GAS7: variants seen among roughly 807,000 people sequenced by gnomAD.
The protein encoded by GAS7 is growth arrest-specific protein 7.
A neutral mutation model predicts 71.1 loss-of-function variants in GAS7; 28 were observed. The observed-to-expected ratio is 0.39, with a 90% CI of 0.29 to 0.54. GAS7 has a LOEUF of 0.54. GAS7 is among the 20% of genes least tolerant of loss of function. The probability of loss-of-function intolerance (pLI) is 0.62; values close to 1 mark genes in which losing one functional copy is unlikely to be tolerated. For synonymous variants in GAS7, 258 were observed against 245.8 expected, an observed-to-expected ratio of 1.05 and a Z score of -0.46; for missense variants, 436 against 627.8, an observed-to-expected ratio of 0.69 and a Z score of 3.27.
At chr17:9,922,192 A>G (rs1300466416) in intron 11 of GAS7, among the ~76,000 whole-genome samples, 1 of 88,298 alleles carries the variant, frequency 1.1e-5, no homozygotes, top group African/African-American at 3.5e-5. Flanking sequence ...TATGGTGGTG[A>G]TGAAGATGAT....
intron 1 of GAS7, among the ~76,000 whole-genome samples, chr17:10,062,453 C>T (rs888436562): frequency 1.3e-5 from 2 of 152,096 alleles, no homozygotes; most frequent in African/African-American, 4.8e-5. Context: ...TCGCTGCACT[C>T]CAGCCCAGGC....
In GAS7 at chr17:9,963,337, A is replaced by G. The variant is rs554192397; in HGVS notation, c.472-4082T>C. Among the ~76,000 whole-genome samples the G allele has an allele frequency of 5.9e-5, 9 of 152,318 alleles. No individual in the cohort carries two copies. In the East Asian group the frequency reaches 1.4e-3, roughly 23 times the overall value. On this transcript the variant is annotated intron_variant, in intron 4 of 13. Transcript: ENST00000432992. Reference sequence around the variant, plus strand: ...TCTTCAGGTGATTCTGCTTGGGTTGATGAAAATGTTCTAAAATAGATTTGA... The same window carrying G: ...TCTTCAGGTGATTCTGCTTGGGTTGGTGAAAATGTTCTAAAATAGATTTGA...
At chr17:9,932,646 G>A (rs759315108) in intron 9 of GAS7, among the ~76,000 whole-genome samples, 2 of 152,204 alleles carry the variant, frequency 1.3e-5, no homozygotes, top group Non-Finnish European at 2.9e-5. Flanking sequence ...AGGGAGTGGG[G>A]AAGGGAGAGT....
intron 1 of GAS7, among the ~76,000 whole-genome samples, chr17:10,144,394 G>T (rs868100912): frequency 6.6e-6 from 1 of 152,156 alleles, no homozygotes; most frequent in Non-Finnish European, 1.5e-5. Flanking sequence ...AGCAGGACAG[G>T]CCCCAAGAGG....
intron 4 of GAS7, among the ~76,000 whole-genome samples, chr17:9,961,392 ACT>A (rs1341315179): frequency 5.3e-5 from 8 of 152,122 alleles, no homozygotes; most frequent in Non-Finnish European, 1.2e-4. Context: ...TCACGTACAG[ACT>A]CTAGCCAAGC....
At chr17:10,194,600 G>T (rs935134529) in intron 1 of GAS7, among the ~76,000 whole-genome samples, 1 of 152,196 alleles carries the variant, frequency 6.6e-6, no homozygotes, top group Non-Finnish European at 1.5e-5. Context: ...GGCCTAGCTT[G>T]GAGCTGGCAG....
chr17:10,150,376 C>G (rs2074155022), intron 1 of GAS7, among the ~76,000 whole-genome samples: 1 of 147,626 alleles, frequency 6.8e-6, no homozygotes, highest in African/African-American at 2.5e-5. Flanking sequence ...TTCTTCCTCT[C>G]CTTTTCTTCT....
chr17:10,109,305 G>A (rs551904664), intron 1 of GAS7, among the ~76,000 whole-genome samples: 1 of 152,284 alleles, frequency 6.6e-6, no homozygotes, highest in Non-Finnish European at 1.5e-5. Context: ...TTACGCCAGA[G>A]TTAGAACGGG....
intron 4 of GAS7, among the ~76,000 whole-genome samples, chr17:9,965,845 C>T (rs1837148333): frequency 6.6e-6 from 1 of 152,092 alleles, no homozygotes; most frequent in African/African-American, 2.4e-5. Flanking sequence ...ATCCAGGTCT[C>T]CAAGGGCTGA....
intron 9 of GAS7, among the ~76,000 whole-genome samples, chr17:9,933,377 G>C (rs142340840): frequency 2.0e-5 from 3 of 152,092 alleles, no homozygotes; most frequent in African/African-American, 4.8e-5. Context: ...GCAGGGCTTC[G>C]TCACTCAGGG....
At chr17:9,982,816 GAAAGA>G (rs2070465864) in intron 2 of GAS7, among the ~76,000 whole-genome samples, 3 of 80,414 alleles carry the variant, frequency 3.7e-5, no homozygotes, top group African/African-American at 2.3e-4. Flanking sequence ...GGAAAGAAAG[GAAAGA>G]AAGGAAAGAA....
At position 10,034,015 on chromosome 17, in the gene GAS7, G is replaced by A. The variant is rs1054838308; in HGVS notation, c.184-14118C>T. The A allele has an allele frequency of 1.7e-5, 9 of 541,712 alleles. No individual in the cohort carries two copies. The South Asian group carries it at 2.4e-4, about 15-fold the overall frequency. The allele number at this position is 541,712 out of a possible 1,614,324, so 33.6% of individuals were successfully genotyped here. ...TAAGGGGTGCAATTCTCACCAACCC[G>A]ATTCAACTAACATTTCTGGAGCTGC... On this transcript the variant is annotated intron_variant, in intron 1 of 13. Coordinates refer to ENST00000432992, the MANE Select transcript of GAS7 (RefSeq NM_201433.2). The surrounding 1 kb of genome is among the most constrained non-coding windows in gnomAD (Gnocchi z 4.4).
At chr17:9,989,124 C>A (rs762441521) in intron 2 of GAS7, among the ~76,000 whole-genome samples, 1 of 152,068 alleles carries the variant, frequency 6.6e-6, no homozygotes, top group African/African-American at 2.4e-5. Flanking sequence ...GCTGGGACTA[C>A]GCGCCCGGCC....
intron 1 of GAS7, among the ~76,000 whole-genome samples, chr17:10,083,848 A>G (rs2152252677): frequency 6.6e-6 from 1 of 152,348 alleles, no homozygotes; most frequent in East Asian, 1.9e-4. Context: ...CAGAAAACCA[A>G]TTAGGAAAGG....
At chr17:10,173,545 G>A (rs1189800160) in intron 1 of GAS7, among the ~76,000 whole-genome samples, 1 of 152,086 alleles carries the variant, frequency 6.6e-6, no homozygotes, top group Non-Finnish European at 1.5e-5. Flanking sequence ...GAGATGGGCG[G>A]ATCACAAGGT....
chr17:9,941,148 A>G (rs923566966), intron 7 of GAS7, among the ~76,000 whole-genome samples: 1 of 152,210 alleles, frequency 6.6e-6, no homozygotes, highest in Non-Finnish European at 1.5e-5. Context: ...TAATTGCATG[A>G]CTTGGCATCA....
At chr17:10,171,155 G>T (rs949565872) in intron 1 of GAS7, among the ~76,000 whole-genome samples, 18 of 152,194 alleles carry the variant, frequency 1.2e-4, no homozygotes, top group African/African-American at 4.3e-4. Flanking sequence ...CCTTCAGTCA[G>T]AATCTTTTCC....
At position 9,959,244 on chromosome 17, in the gene GAS7, G is replaced by A. The variant is rs528449409; in HGVS notation, c.483C>T (p.Ser161=). ...TGCTCTGCTTTTTGCTTGGCGATGA[G>A]GATCCCAGGTTCTGGGGAGAGAGGC... The part of the protein sequence containing the change: ...KSTGDSQNLG[S]SSPSKKQSKE... The change falls in exon 5 of 14, where the codon TCC becomes TCT. Residue 161 remains serine (S), a synonymous_variant. Transcript: ENST00000432992. This position sits in a 1 kb window ranked among gnomAD's most constrained non-coding sequence, Gnocchi z 5.0. 21 of 1,614,100 alleles carry A rather than the reference G, an allele frequency of 1.3e-5. 1 individual carries two copies. The South Asian group carries it at 2.3e-4, about 18-fold the overall frequency.
intron 9 of GAS7, among the ~76,000 whole-genome samples, chr17:9,933,700 C>G (rs2068287924): frequency 1.3e-5 from 2 of 151,862 alleles, no homozygotes; most frequent in African/African-American, 4.8e-5. Context: ...AAAAAATTAC[C>G]CAGGCATGGT....
Sources: allele counts gnomAD v4.1 joint callset (sites outside exome capture counted in the v4.1 genomes callset), GRCh38; gene constraint gnomAD v4.1.1; non-coding constraint Gnocchi (gnomAD v3.1); transcripts MANE v1.5; gene names NCBI Gene and HGNC (gene_info 2026-07-23, HGNC 2026-07-21).